The following ZNF143 variants were observed in gnomAD, a reference collection of about 807,000 sequenced individuals.
ZNF143 encodes SPH-binding factor.
A neutral mutation model predicts 74.1 loss-of-function variants in ZNF143; 49 were observed. The ratio of observed to expected loss-of-function variants is 0.66; its 90% CI spans 0.53 to 0.84. The LOEUF is 0.84. Ranked by LOEUF, ZNF143 falls within the 40% of genes least tolerant of loss-of-function variation. ZNF143 has a pLI of 0.00. For missense variants in ZNF143, 637 were observed against 793.4 expected (o/e 0.80, Z 2.37); for synonymous variants, 304 against 282.8 (o/e 1.07, Z -0.75).
At chr11:9,524,422 C>A (rs1740483147) in intron 14 of ZNF143, among the ~76,000 whole-genome samples, 1 of 152,176 alleles carries the variant, frequency 6.6e-6, no homozygotes, top group African/African-American at 2.4e-5. Flanking sequence ...GGAATGAAAT[C>A]TGTTTTTCTT....
intron 7 of ZNF143, among the ~76,000 whole-genome samples, chr11:9,491,729 G>A (rs139602981): frequency 2.0e-5 from 3 of 152,106 alleles, no homozygotes; most frequent in East Asian, 1.9e-4. Context: ...TCCTGGACTC[G>A]CGCGATCCTC....
intron 1 of ZNF143, among the ~76,000 whole-genome samples, chr11:9,469,501 G>A (rs1856449532): frequency 6.7e-6 from 1 of 148,378 alleles, no homozygotes; most frequent in African/African-American, 2.5e-5. Flanking sequence ...CAAAGTGCTG[G>A]GATTACAGGC....
At chr11:9,489,895 A>C (rs1847704202) in intron 7 of ZNF143, among the ~76,000 whole-genome samples, 1 of 152,196 alleles carries the variant, frequency 6.6e-6, no homozygotes, top group African/African-American at 2.4e-5. Context: ...TTTAAAAAAC[A>C]CTGGGCTGGG....
chr11:9,492,036 C>A (rs1847800924), intron 7 of ZNF143, among the ~76,000 whole-genome samples: 1 of 151,962 alleles, frequency 6.6e-6, no homozygotes, highest in South Asian at 2.1e-4. Context: ...CCTCTGCCTC[C>A]TGTGTTCAAG....
At chr11:9,508,881 T>C in intron 12 of ZNF143, 35 bp downstream of exon 12, 2 of 1,538,164 alleles carry the variant, frequency 1.3e-6, no homozygotes, top group Non-Finnish European at 8.8e-7. Flanking sequence ...TGTTTCTGAG[T>C]TTGAGAATCA....
At chr11:9,483,604 T>C (rs1847339617) in intron 7 of ZNF143, among the ~76,000 whole-genome samples, 1 of 150,726 alleles carries the variant, frequency 6.6e-6, no homozygotes. Context: ...CCCTATTTTA[T>C]TTATTTATTT....
intron 8 of ZNF143, among the ~76,000 whole-genome samples, chr11:9,495,753 A>G (rs1283207629): frequency 6.6e-6 from 1 of 152,242 alleles, no homozygotes; most frequent in Non-Finnish European, 1.5e-5. Context: ...TAAAGTACTA[A>G]AAAGAGTGTC....
chr11:9,527,717 A>G lies in ZNF143; in HGVS notation c.*104A>G, dbSNP rs909118196. 1.0e-6 allele frequency: 1 copy of G among 998,674 alleles called. No individual in the cohort carries two copies. Among genetic ancestry groups the G allele is most frequent in the Admixed American group, 2.1e-5 (1 of 46,876 alleles). 61.9% of individuals were successfully genotyped at this position (998,674 alleles called of 1,614,324 possible). A position where few individuals can be genotyped will look rare whatever the true frequency, so the allele number is the denominator to read the frequency against. The stretch of plus-strand genomic sequence containing the variant: ...GAAAATTAGAAGTTTTCCATTCCTG[A>G]TACACTGTACACATTTTTATGCGAG... On this transcript the variant is annotated 3_prime_UTR_variant, in exon 16 of 16. Coordinates refer to ENST00000396602, the MANE Select transcript of ZNF143 (RefSeq NM_003442.6).
rs1589916035 is a variant in ZNF143 at position 9,500,504 on chromosome 11, G to T, written c.968-587G>T. 4.6e-5 allele frequency among the ~76,000 whole-genome samples: 7 copies of T among 151,940 alleles called. 1 individual carries two copies. The South Asian group carries it at 1.5e-3, about 32-fold the overall frequency. ...GCTGGAGTGCAACGGTGTAATCTCG[G>T]CTCACTGCAACCTCCGCCTCTTGAG... On this transcript the variant is annotated intron_variant, in intron 10 of 15. Coordinates refer to ENST00000396602, the MANE Select transcript of ZNF143 (RefSeq NM_003442.6).
At chr11:9,524,881 GA>G (rs540893289) in intron 14 of ZNF143, among the ~76,000 whole-genome samples, 5 of 150,580 alleles carry the variant, frequency 3.3e-5, no homozygotes, top group East Asian at 1.9e-4. Context: ...CCAATCTCAG[GA>G]AAAAAAAATG....
rs1441888059 is a variant in ZNF143 at position 9,512,516 on chromosome 11, G to C, written c.1444G>C (p.Val482Leu). ...TACAGGTGTAGAAGGGGACGACGTT[G>C]TTTCTACACAAGTAGCCACAGTAAC... ...YVTGVEGDDVVSTQVATVTQS... is the reference protein window; with the variant it reads ...YVTGVEGDDVLSTQVATVTQS... The change falls in exon 13 of 16, where the codon GTT becomes CTT. Residue 482 changes from valine to leucine, a missense_variant. Val to Leu is a conservative substitution (Grantham distance 32). Coordinates refer to ENST00000396602, the MANE Select transcript of ZNF143 (RefSeq NM_003442.6). 1 of 1,614,022 alleles carries C rather than the reference G, an allele frequency of 6.2e-7. No homozygotes were observed. Among genetic ancestry groups the C allele is most frequent in the South Asian group, 1.1e-5 (1 of 91,082 alleles).
intron 15 of ZNF143, 35 bp from the exon 16 acceptor site, chr11:9,527,495 A>G (rs1274131010): frequency 6.3e-7 from 1 of 1,595,224 alleles, no homozygotes; most frequent in South Asian, 1.1e-5. Flanking sequence ...TGGCTTTTGA[A>G]TTGTTAGCGT....
chr11:9,471,601 G>A (rs1320703313), intron 2 of ZNF143, among the ~76,000 whole-genome samples, 181 bp downstream of exon 2: 1 of 151,344 alleles, frequency 6.6e-6, no homozygotes, highest in Non-Finnish European at 1.5e-5. Flanking sequence ...CGCCCAGGCT[G>A]GAGTGCGATG....
intron 7 of ZNF143, among the ~76,000 whole-genome samples, chr11:9,481,642 C>T (rs1847242917): frequency 6.6e-6 from 1 of 151,912 alleles, no homozygotes; most frequent in Non-Finnish European, 1.5e-5. Flanking sequence ...AATCCTAGCA[C>T]TTTGGGAGGC....
chr11:9,496,408 G>T lies in ZNF143; in HGVS notation c.841+30G>T, dbSNP rs750604793. 13 of 1,598,038 alleles carry T rather than the reference G, an allele frequency of 8.1e-6. No homozygotes were observed. In the East Asian group the frequency reaches 2.7e-4, roughly 33 times the overall value. ...AAGTATGAATTTTGTTTTTTTCTTG[G>T]TTCCAATTAGGGGTCAAGTAGAGAC... On this transcript the variant is annotated intron_variant, in intron 9 of 15. Transcript: ENST00000396602.
At chr11:9,479,401 A>G (rs1847150629) in intron 6 of ZNF143, 71 bp from the exon 7 acceptor site, 1 of 1,261,482 alleles carries the variant, frequency 7.9e-7, no homozygotes, top group Non-Finnish European at 1.1e-6. Flanking sequence ...TTCTCCCTGA[A>G]CCATGTACTT....
At chr11:9,467,648 C>T (rs1178109152) in intron 1 of ZNF143, among the ~76,000 whole-genome samples, 1 of 151,852 alleles carries the variant, frequency 6.6e-6, no homozygotes, top group Non-Finnish European at 1.5e-5. Flanking sequence ...GAGTTCAAGA[C>T]CCGCCTGGCC....
chr11:9,478,725 T>C, intron 6 of ZNF143, 139 bp downstream of exon 6: 1 of 891,116 alleles, frequency 1.1e-6, no homozygotes, highest in South Asian at 1.9e-5. Flanking sequence ...GGCTCACGCC[T>C]ATAACTTCCC....
chr11:9,465,502 T>C (rs1180174671), intron 1 of ZNF143, among the ~76,000 whole-genome samples: 1 of 151,304 alleles, frequency 6.6e-6, no homozygotes, highest in Non-Finnish European at 1.5e-5. Context: ...TATTTATTTA[T>C]TTATTTATTT....
Sources: allele counts gnomAD v4.1 joint callset (sites outside exome capture counted in the v4.1 genomes callset), GRCh38; gene constraint gnomAD v4.1.1; transcripts MANE v1.5; gene names NCBI Gene and HGNC (gene_info 2026-07-23, HGNC 2026-07-21).